DRICH1: variants seen among roughly 807,000 people sequenced by gnomAD.
DRICH1 encodes the protein aspartate-rich protein 1.
In DRICH1, 38 loss-of-function variants were observed where a neutral mutation model predicts 39.5. That is an observed-to-expected ratio of 0.96 (90% confidence interval 0.74 to 1.26). DRICH1 has a LOEUF of 1.26. Ranked by LOEUF, DRICH1 falls within the 50% of genes most tolerant of loss-of-function variation. DRICH1 has a pLI of 0.00. For missense variants in DRICH1, 279 were observed against 270.4 expected, an observed-to-expected ratio of 1.03 and a Z score of -0.22; for synonymous variants, 84 against 99.5, an observed-to-expected ratio of 0.84 and a Z score of 0.93.
chr22:23,600,765 C>T, the DRICH1 span, among the ~76,000 whole-genome samples: 5 of 151,948 alleles, frequency 3.3e-5, no homozygotes, highest in South Asian at 2.1e-4. Flanking sequence ...CTCTGCCTCC[C>T]GGGTTCACAC....
upstream of DRICH1, chr22:23,632,359 A>C: frequency 9.4e-6 from 3 of 320,280 alleles, no homozygotes; most frequent in Non-Finnish European, 5.9e-6. Context: ...ATAACCCACA[A>C]AGCTTCCTAT....
the DRICH1 span, among the ~76,000 whole-genome samples, chr22:23,592,503 T>G: frequency 6.6e-6 from 1 of 152,012 alleles, no homozygotes; most frequent in Non-Finnish European, 1.5e-5. Flanking sequence ...GCACCATCAG[T>G]ATGCATAACA....
At chr22:23,601,179 T>C in the DRICH1 span, among the ~76,000 whole-genome samples, 4 of 141,144 alleles carry the variant, frequency 2.8e-5, no homozygotes, top group Non-Finnish European at 4.6e-5. Context: ...CACACACACG[T>C]GGAAACAGCC....
intron 3 of DRICH1, chr22:23,624,327 T>G: frequency 1.0e-6 from 1 of 985,242 alleles, no homozygotes; most frequent in Non-Finnish European, 1.2e-6. Flanking sequence ...AAATCATCTT[T>G]AAATAATAAA....
rs141769457 is a variant in DRICH1, at chr22:23,613,195, C to G, written c.685+94G>C. ...CCATTTTCTTTCTGATTTCATACCCCCTCCTTCAGCCCCTCCTCACAAGCA... is the reference window on the plus strand; with the variant it reads ...CCATTTTCTTTCTGATTTCATACCCGCTCCTTCAGCCCCTCCTCACAAGCA... On this transcript the variant is annotated intron_variant, in intron 11 of 11. Coordinates refer to ENST00000317749, the MANE Select transcript of DRICH1 (RefSeq NM_016449.4). The G allele has an allele frequency of 3.2e-4, 284 of 882,160 alleles. No homozygotes were observed. In the African/African-American group the frequency reaches 4.3e-3, roughly 13 times the overall value. The allele number at this position is 882,160 out of a possible 1,614,324, so 54.6% of individuals were successfully genotyped here.
chr22:23,618,012 G>C (rs1466920837), intron 6 of DRICH1, among the ~76,000 whole-genome samples: 1 of 151,850 alleles, frequency 6.6e-6, no homozygotes. Context: ...TAATTATGCT[G>C]GTACAACATC....
the DRICH1 span, among the ~76,000 whole-genome samples, chr22:23,597,358 TTAGCCGGTCACC>T: frequency 6.8e-6 from 1 of 147,416 alleles, no homozygotes; most frequent in Admixed American, 6.8e-5. Flanking sequence ...AAATCTAAAA[TTAGCCGGTCACC>T]TATAGGTGCA....
chr22:23,605,028 G>A (rs769712370), downstream of DRICH1, among the ~76,000 whole-genome samples: 2 of 152,206 alleles, frequency 1.3e-5, no homozygotes, highest in Non-Finnish European at 2.9e-5. Context: ...TATGAGCTGA[G>A]TGAGTTGGGC....
At chr22:23,594,387 G>A in the DRICH1 span, among the ~76,000 whole-genome samples, 7 of 152,258 alleles carry the variant, frequency 4.6e-5, no homozygotes, top group South Asian at 1.5e-3. Flanking sequence ...TGGTCAACAC[G>A]GCAAAACCCC....
intron 11 of DRICH1, among the ~76,000 whole-genome samples, chr22:23,609,108 T>C (rs1926892377): frequency 6.6e-6 from 1 of 152,106 alleles, no homozygotes; most frequent in African/African-American, 2.4e-5. Context: ...AGGCAACTGG[T>C]CATTCAACTG....
chr22:23,584,651 C>T, the DRICH1 span, among the ~76,000 whole-genome samples: 1 of 152,182 alleles, frequency 6.6e-6, no homozygotes, highest in Non-Finnish European at 1.5e-5. Context: ...TTATTTACGG[C>T]CAGGGTGATG....
At chr22:23,609,776 A>C (rs1926937236) in intron 11 of DRICH1, among the ~76,000 whole-genome samples, 1 of 152,120 alleles carries the variant, frequency 6.6e-6, no homozygotes, top group Non-Finnish European at 1.5e-5. Context: ...GGGCTGCAAG[A>C]AGCTCAGCTC....
At chr22:23,624,661 T>A (rs1424075377) in intron 3 of DRICH1, among the ~76,000 whole-genome samples, 2 of 152,154 alleles carry the variant, frequency 1.3e-5, no homozygotes, top group Admixed American at 1.3e-4. Flanking sequence ...TGCACTCACT[T>A]CTACTCCAGG....
chr22:23,627,068 ATTTTTTT>A (rs141545226), intron 1 of DRICH1, among the ~76,000 whole-genome samples: 3 of 127,356 alleles, frequency 2.4e-5, no homozygotes, highest in Non-Finnish European at 3.3e-5. Flanking sequence ...TGAGGTTCTG[ATTTTTTT>A]TTTTTTTTTT....
chr22:23,606,667 G>A (rs76081654), downstream of DRICH1, among the ~76,000 whole-genome samples: 237 of 152,316 alleles, frequency 1.6e-3, 1 homozygote, highest in African/African-American at 5.3e-3. Context: ...AGGGAAGAGC[G>A]GAGGGTCTCC....
chr22:23,590,708 C>G, the DRICH1 span, among the ~76,000 whole-genome samples: 1 of 152,176 alleles, frequency 6.6e-6, no homozygotes, highest in Admixed American at 6.5e-5. Flanking sequence ...AAGTGATTCT[C>G]CCGCCTCAGC....
downstream of DRICH1, among the ~76,000 whole-genome samples, chr22:23,607,606 G>A (rs928552504): frequency 9.2e-5 from 14 of 151,902 alleles, no homozygotes; most frequent in Admixed American, 5.2e-4. Flanking sequence ...TTAGAGGCCC[G>A]GGTATTTCTC....
rs373925695 is a variant in DRICH1, at chr22:23,631,935, A to G, written c.89T>C (p.Ile30Thr). 1.9e-5 allele frequency: 30 copies of G among 1,613,706 alleles called. No homozygotes were observed. Among genetic ancestry groups the G allele is most frequent in the Admixed American group, 5.0e-5 (3 of 60,006 alleles). The change falls in exon 1 of 12, where the codon ATT (isoleucine) becomes ACT (threonine). Residue 30 changes from isoleucine to threonine, a missense_variant. Coordinates refer to ENST00000317749, the MANE Select transcript of DRICH1 (RefSeq NM_016449.4). ...TGTTGCAGCAGCCACAGTCTCATAAATATCAGTATCAGATTCATAACAGGG... is the reference window on the plus strand; with the variant it reads ...TGTTGCAGCAGCCACAGTCTCATAAGTATCAGTATCAGATTCATAACAGGG... ...DAPCYESDTD[I>T]YETVAAATSE...
chr22:23,613,579 C>A, intron 10 of DRICH1, 60 bp downstream of exon 10: 1 of 1,347,914 alleles, frequency 7.4e-7, no homozygotes, highest in South Asian at 1.2e-5. Context: ...AATCAGGTTT[C>A]TATACACTGA....
Sources: allele counts gnomAD v4.1 joint callset (sites outside exome capture counted in the v4.1 genomes callset), GRCh38; gene constraint gnomAD v4.1.1; transcripts MANE v1.5; gene names NCBI Gene and HGNC (gene_info 2026-07-23, HGNC 2026-07-21).